AGBL4: variants seen among roughly 807,000 people sequenced by gnomAD.
AGBL4 encodes the protein cytosolic carboxypeptidase 6.
Under a neutral mutation model 66.4 loss-of-function variants are expected in AGBL4, and 58 were observed. The ratio of observed to expected loss-of-function variants is 0.87; its 90% CI spans 0.71 to 1.09. The LOEUF (loss-of-function observed/expected upper bound fraction) is 1.09, where lower values mean the gene tolerates loss of function less well. AGBL4 is among the 50% of genes least tolerant of loss of function. The pLI is 0.00. For missense variants in AGBL4, 579 were observed against 631.0 expected (o/e 0.92, Z 0.88); for synonymous variants, 234 against 222.9 (o/e 1.05, Z -0.44).
At position 48,648,400 on chromosome 1, in the gene AGBL4, C is replaced by A. The variant is rs1344454040; in HGVS notation, c.839+4937G>T. Among the ~76,000 whole-genome samples, 4 of 152,168 alleles carry A rather than the reference C, an allele frequency of 2.6e-5. No individual in the cohort carries two copies. In the East Asian group the frequency reaches 7.7e-4, roughly 29 times the overall value. ...TGTAGCCATCCCATTCTTGATAGAG[C>A]CTCTCCCCCGCGCTTCTACTAAATG... is the stretch of plus-strand genomic sequence containing the variant. On this transcript the variant is annotated intron_variant, in intron 8 of 13. Transcript: ENST00000371839.
At chr1:48,746,552 T>C (rs947106986) in intron 6 of AGBL4, among the ~76,000 whole-genome samples, 2 of 152,248 alleles carry the variant, frequency 1.3e-5, no homozygotes, top group Non-Finnish European at 2.9e-5. Flanking sequence ...AATTTCTCAC[T>C]CAGCACCATT....
intron 3 of AGBL4, among the ~76,000 whole-genome samples, chr1:49,583,567 T>C (rs1171188047): frequency 1.3e-5 from 2 of 152,094 alleles, no homozygotes; most frequent in African/African-American, 2.4e-5. Context: ...GGCAGTCTTA[T>C]GGGTCTGAGC....
At chr1:49,485,049 C>T (rs1647035308) in intron 3 of AGBL4, among the ~76,000 whole-genome samples, 4 of 151,998 alleles carry the variant, frequency 2.6e-5, no homozygotes, top group East Asian at 1.9e-4. Flanking sequence ...GTCAGTGTGG[C>T]GATTCCTCAG....
intron 3 of AGBL4, among the ~76,000 whole-genome samples, chr1:49,319,048 G>T (rs1645087760): frequency 6.6e-6 from 1 of 152,118 alleles, no homozygotes. Flanking sequence ...GGTTAGATTG[G>T]CTCTAATTAT....
At chr1:49,603,985 A>G (rs1645018225) in intron 3 of AGBL4, among the ~76,000 whole-genome samples, 1 of 147,286 alleles carries the variant, frequency 6.8e-6, no homozygotes, top group Admixed American at 6.8e-5. Context: ...CACACACCAC[A>G]TTTTAGATTG....
At chr1:49,846,444 T>A in intron 2 of AGBL4, 1 of 1,366,416 alleles carries the variant, frequency 7.3e-7, no homozygotes, top group Admixed American at 2.0e-5. Flanking sequence ...CCTTAAGACA[T>A]AGCTCATCCC....
At chr1:49,127,712 G>C (rs1388182294) in intron 4 of AGBL4, among the ~76,000 whole-genome samples, 3 of 151,996 alleles carry the variant, frequency 2.0e-5, no homozygotes, top group African/African-American at 7.2e-5. Flanking sequence ...TTGATCCCTT[G>C]GGTTATTCAT....
chr1:49,401,708 G>A (rs1645089721), intron 3 of AGBL4, among the ~76,000 whole-genome samples: 2 of 152,024 alleles, frequency 1.3e-5, no homozygotes, highest in African/African-American at 4.8e-5. Flanking sequence ...TAATGAGTTT[G>A]GAATTATTCC....
At chr1:49,298,364 T>G (rs1333283939) in intron 3 of AGBL4, among the ~76,000 whole-genome samples, 1 of 152,218 alleles carries the variant, frequency 6.6e-6, no homozygotes, top group Non-Finnish European at 1.5e-5. Context: ...GGTTCCCTGA[T>G]GGTTTCAGTG....
intron 3 of AGBL4, among the ~76,000 whole-genome samples, chr1:49,564,094 C>A (rs780358088): frequency 6.6e-6 from 1 of 151,848 alleles, no homozygotes. Flanking sequence ...AGTTTATGTG[C>A]GTAGAGGTGT....
chr1:49,994,399 C>G (rs966837830), intron 1 of AGBL4: 25 of 149,722 alleles, frequency 1.7e-4, no homozygotes, highest in Non-Finnish European at 3.1e-4. Flanking sequence ...AATGAGGAAG[C>G]AGTATATGAA....
intron 4 of AGBL4, among the ~76,000 whole-genome samples, chr1:49,102,773 G>A (rs527976617): frequency 1.3e-5 from 2 of 152,248 alleles, no homozygotes; most frequent in East Asian, 3.9e-4. Context: ...GTTGTGACAA[G>A]CCATATATAG....
intron 2 of AGBL4, among the ~76,000 whole-genome samples, chr1:49,733,244 A>T (rs1649595369): frequency 1.3e-5 from 2 of 152,200 alleles, no homozygotes; most frequent in Admixed American, 6.5e-5. Flanking sequence ...GACTGAGACA[A>T]GTCGTTGTTA....
chr1:49,734,748 A>T (rs1004411591), intron 2 of AGBL4, among the ~76,000 whole-genome samples: 1 of 152,048 alleles, frequency 6.6e-6, no homozygotes, highest in African/African-American at 2.4e-5. Flanking sequence ...GGGTTTTTAT[A>T]GGAATTGACA....
chr1:49,936,513 G>C (rs993269803), intron 1 of AGBL4, among the ~76,000 whole-genome samples: 1 of 152,080 alleles, frequency 6.6e-6, no homozygotes, highest in Non-Finnish European at 1.5e-5. Context: ...CTCGAGAAGA[G>C]CAACTCCAGG....
At chr1:49,873,732 T>G (rs1338228265) in intron 1 of AGBL4, among the ~76,000 whole-genome samples, 1 of 151,922 alleles carries the variant, frequency 6.6e-6, no homozygotes, top group Non-Finnish European at 1.5e-5. Flanking sequence ...CAAAATCATC[T>G]TTGGAGAAAG....
intron 5 of AGBL4, among the ~76,000 whole-genome samples, chr1:48,970,552 T>C (rs1475515190): frequency 2.0e-5 from 3 of 152,210 alleles, no homozygotes; most frequent in Non-Finnish European, 4.4e-5. Context: ...ATTATTCTTT[T>C]ATAGTGCAGA....
At chr1:49,180,928 T>C (rs1284445047) in intron 4 of AGBL4, among the ~76,000 whole-genome samples, 1 of 152,240 alleles carries the variant, frequency 6.6e-6, no homozygotes, top group Non-Finnish European at 1.5e-5. Flanking sequence ...GACATCTGTC[T>C]TCTGTTAGAG....
chr1:49,051,515 C>T (rs765011909), intron 4 of AGBL4, among the ~76,000 whole-genome samples: 18 of 152,098 alleles, frequency 1.2e-4, no homozygotes, highest in Non-Finnish European at 2.5e-4. Context: ...GATTTCATTC[C>T]TTTTCCCTTC....
Sources: allele counts gnomAD v4.1 joint callset (sites outside exome capture counted in the v4.1 genomes callset), GRCh38; gene constraint gnomAD v4.1.1; transcripts MANE v1.5; gene names NCBI Gene and HGNC (gene_info 2026-07-23, HGNC 2026-07-21).